Variants in RIMOC1 observed in about 807,000 individuals in gnomAD.
RIMOC1 encodes the protein RAB7A interacting MON1-CCZ1 complex subunit 1.
At chr5:41,912,146 T>A in the RIMOC1 span, 2 of 1,610,606 alleles carry the variant, frequency 1.2e-6, no homozygotes, top group African/African-American at 2.7e-5. Context: ...AAGGAGTTTC[T>A]TTCCAAGATC....
the RIMOC1 span, among the ~76,000 whole-genome samples, chr5:41,905,559 T>A: frequency 6.6e-6 from 1 of 152,348 alleles, no homozygotes; most frequent in Admixed American, 6.5e-5. Flanking sequence ...CGTGAGCCAC[T>A]GTGCCAGGCC....
At chr5:41,917,451 C>A in the RIMOC1 span, 1 of 1,353,630 alleles carries the variant, frequency 7.4e-7, no homozygotes, top group Non-Finnish European at 9.5e-7. Flanking sequence ...AACAACATCA[C>A]CATCTTTTTC....
the RIMOC1 span, chr5:41,904,382 C>T: frequency 5.6e-6 from 9 of 1,613,616 alleles, no homozygotes; most frequent in East Asian, 2.0e-4. Flanking sequence ...CGGCCGCAGT[C>T]TCTAGTGTGG....
chr5:41,920,805 T>C, the RIMOC1 span: 1 of 152,184 alleles, frequency 6.6e-6, no homozygotes, highest in African/African-American at 2.4e-5. Context: ...GACTTTATCA[T>C]TTCAGCTACA....
the RIMOC1 span, chr5:41,917,631 A>G: frequency 8.1e-6 from 8 of 988,466 alleles, no homozygotes; most frequent in East Asian, 9.8e-5. Context: ...ATGTAACACA[A>G]GTTTACCATT....
the RIMOC1 span, among the ~76,000 whole-genome samples, chr5:41,912,726 G>A: frequency 6.0e-4 from 92 of 152,214 alleles, no homozygotes; most frequent in African/African-American, 1.7e-3. Flanking sequence ...ACATGATCCC[G>A]TCACCTCCCA....
chr5:41,909,682 G>A, the RIMOC1 span: 3 of 1,225,408 alleles, frequency 2.4e-6, no homozygotes, highest in Non-Finnish European at 3.4e-6. Flanking sequence ...AGGTTAGACT[G>A]TAAGAATTGT....
At chr5:41,915,681 A>G in the RIMOC1 span, among the ~76,000 whole-genome samples, 1 of 152,196 alleles carries the variant, frequency 6.6e-6, no homozygotes, top group Admixed American at 6.5e-5. Flanking sequence ...AGATCTCTTG[A>G]GACTTATTCA....
chr5:41,904,581 AG>A, the RIMOC1 span: 3 of 991,692 alleles, frequency 3.0e-6, no homozygotes, highest in Non-Finnish European at 4.5e-6. Context: ...CCCAGGCCGC[AG>A]GTGGTTACCC....
At chr5:41,920,012 G>A in the RIMOC1 span, 1 of 152,068 alleles carries the variant, frequency 6.6e-6, no homozygotes, top group African/African-American at 2.4e-5. Flanking sequence ...TGTTGCTATT[G>A]GATTCCAAAC....
At chr5:41,915,191 G>GA in the RIMOC1 span, among the ~76,000 whole-genome samples, 2 of 152,134 alleles carry the variant, frequency 1.3e-5, no homozygotes, top group African/African-American at 4.8e-5. Context: ...TTTGGACATG[G>GA]CCTTATCAGA....
the RIMOC1 span, among the ~76,000 whole-genome samples, chr5:41,915,448 T>G: frequency 3.3e-5 from 5 of 152,296 alleles, no homozygotes; most frequent in Middle Eastern, 3.4e-3. Context: ...GGCAAAAGTT[T>G]GAGAACCACT....
chr5:41,916,590 C>A, the RIMOC1 span: 2 of 439,364 alleles, frequency 4.6e-6, no homozygotes, highest in Non-Finnish European at 6.0e-6. Context: ...ATGAATTATC[C>A]TAGAGCATAC....
At chr5:41,909,819 A>T in the RIMOC1 span, 1 of 1,594,876 alleles carries the variant, frequency 6.3e-7, no homozygotes, top group Non-Finnish European at 8.5e-7. Flanking sequence ...TCTTCTTCAC[A>T]GAAAGTAAAA....
the RIMOC1 span, among the ~76,000 whole-genome samples, chr5:41,908,912 C>T: frequency 7.9e-5 from 12 of 152,228 alleles, no homozygotes; most frequent in African/African-American, 2.6e-4. Flanking sequence ...TTAGGCCTTT[C>T]GCACGATAAC....
chr5:41,917,468 T>C, the RIMOC1 span: 91 of 1,344,222 alleles, frequency 6.8e-5, no homozygotes, highest in Admixed American at 3.0e-4. Flanking sequence ...TTTCATTATA[T>C]ATTAGTAAAC....
At chr5:41,904,559 G>T in the RIMOC1 span, 4 of 1,224,962 alleles carry the variant, frequency 3.3e-6, no homozygotes, top group Non-Finnish European at 4.7e-6. Flanking sequence ...TGAGGCCTGT[G>T]TTCCTTTGGG....
the RIMOC1 span, chr5:41,911,979 C>T: frequency 4.7e-6 from 4 of 846,322 alleles, no homozygotes; most frequent in Admixed American, 5.7e-5. Context: ...CCAATTTTCT[C>T]TTGAGTAAAG....
chr5:41,910,950 T>G, the RIMOC1 span: 124 of 1,385,916 alleles, frequency 8.9e-5, no homozygotes, highest in Non-Finnish European at 1.1e-4. Flanking sequence ...TTTTGTGACT[T>G]GAGAATGTTT....
Sources: allele counts gnomAD v4.1 joint callset (sites outside exome capture counted in the v4.1 genomes callset), GRCh38; gene constraint gnomAD v4.1.1; transcripts MANE v1.5; gene names NCBI Gene and HGNC (gene_info 2026-07-23, HGNC 2026-07-21).